CCDC39: variants seen among roughly 807,000 people sequenced by gnomAD.
CCDC39 encodes coiled-coil domain-containing protein 39.
In CCDC39, 113 loss-of-function variants were observed where a neutral mutation model predicts 121.0. That is an observed-to-expected ratio of 0.93 (90% confidence interval 0.80 to 1.09). The LOEUF (loss-of-function observed/expected upper bound fraction) is 1.09, where lower values mean the gene tolerates loss of function less well. Ranked by LOEUF, CCDC39 falls within the 50% of genes least tolerant of loss-of-function variation. The probability of loss-of-function intolerance (pLI) is 0.00; values close to 1 mark genes in which losing one functional copy is unlikely to be tolerated. For missense variants in CCDC39, 1,063 were observed against 1,074.7 expected (o/e 0.99, Z 0.15); for synonymous variants, 349 against 352.2 (o/e 0.99, Z 0.10).
intron 14 of CCDC39, among the ~76,000 whole-genome samples, chr3:180,629,404 C>A (rs1285392595): frequency 6.6e-6 from 1 of 152,156 alleles, no homozygotes; most frequent in Non-Finnish European, 1.5e-5. Flanking sequence ...CAGTTGTCTG[C>A]AAGTTAGTTA....
At chr3:180,664,105 T>C (rs1392675667) in intron 1 of CCDC39, 119 bp from the exon 2 acceptor site, 1 of 837,416 alleles carries the variant, frequency 1.2e-6, no homozygotes, top group African/African-American at 1.7e-5. Context: ...TGGACTGCTA[T>C]AACAAAAATA....
chr3:180,666,140 C>A (rs949941080), intron 1 of CCDC39, among the ~76,000 whole-genome samples: 1 of 152,152 alleles, frequency 6.6e-6, no homozygotes, highest in African/African-American at 2.4e-5. Context: ...CTCCTCTCAG[C>A]CCCTGACATC....
intron 14 of CCDC39, among the ~76,000 whole-genome samples, chr3:180,630,520 G>A (rs1043715954): frequency 1.1e-4 from 16 of 152,140 alleles, no homozygotes; most frequent in African/African-American, 3.9e-4. Flanking sequence ...TTCTCTGAAG[G>A]TGTGAACTGG....
intron 1 of CCDC39, among the ~76,000 whole-genome samples, chr3:180,671,927 G>T (rs1712059618): frequency 6.6e-6 from 1 of 152,142 alleles, no homozygotes; most frequent in African/African-American, 2.4e-5. Context: ...TTATCTAGAA[G>T]ATCTAACTAA....
chr3:180,668,267 TAC>T (rs1298893789), intron 1 of CCDC39, among the ~76,000 whole-genome samples: 1 of 152,146 alleles, frequency 6.6e-6, no homozygotes, highest in Admixed American at 6.6e-5. Flanking sequence ...TAGTCCCAGC[TAC>T]TTAGGAAGCT....
At chr3:180,630,985 T>C (rs182281187) in intron 14 of CCDC39, among the ~76,000 whole-genome samples, 2 of 152,294 alleles carry the variant, frequency 1.3e-5, no homozygotes, top group East Asian at 1.9e-4. Flanking sequence ...TGGGTGGCTA[T>C]AGTGAAGTAA....
At chr3:180,637,638 T>C (rs1023149507) in intron 13 of CCDC39, among the ~76,000 whole-genome samples, 10 of 152,206 alleles carry the variant, frequency 6.6e-5, no homozygotes, top group Admixed American at 5.2e-4. Context: ...CAAATGTTCA[T>C]TGTAGCACTA....
In CCDC39 at chr3:180,642,258, AT is replaced by A. The variant is rs373765309; in HGVS notation, c.1666-58del. 1,404 of 1,095,470 alleles carry A rather than the reference AT, an allele frequency of 1.3e-3. 13 individuals carry two copies. The African/African-American group carries it at 0.019, about 15-fold the overall frequency. 67.9% of individuals were successfully genotyped at this position (1,095,470 alleles called of 1,614,324 possible). A position where few individuals can be genotyped will look rare whatever the true frequency, so the allele number is the denominator to read the frequency against. On this transcript the variant is annotated intron_variant, in intron 12 of 19. Coordinates refer to ENST00000476379, the MANE Select transcript of CCDC39 (RefSeq NM_181426.2). ...AATTATTTTTAATTGCAAAACCAAA[AT>A]TTTTTTTATTGCTATATAAGTAAAA...
chr3:180,662,917 A>T lies in CCDC39; in HGVS notation c.211-910T>A, dbSNP rs796100059. ...CAGACAGTAGATGCACTTTAAAAAA[A>T]CTAGTTTGAGACAGAAGTTAGAAAA... On this transcript the variant is annotated intron_variant, in intron 2 of 19. Coordinates refer to ENST00000476379, the MANE Select transcript of CCDC39 (RefSeq NM_181426.2). Among the ~76,000 whole-genome samples, 4 of 152,288 alleles carry T rather than the reference A, an allele frequency of 2.6e-5. No homozygotes were observed. The South Asian group carries it at 8.3e-4, about 32-fold the overall frequency.
rs534428103 is a variant in CCDC39, at chr3:180,643,816, G to A, written c.1665+304C>T. On this transcript the variant is annotated intron_variant, in intron 12 of 19. Transcript: ENST00000476379. ...AAGAAACAAAAATCTAAAAAATAGG[G>A]GATGGTTAAATAAACTATGGTAATT... 5.3e-5 allele frequency among the ~76,000 whole-genome samples: 8 copies of A among 152,136 alleles called. No individual in the cohort carries two copies. In the South Asian group the frequency reaches 1.7e-3, roughly 32 times the overall value.
At chr3:180,626,842 C>T (rs561670047) in intron 14 of CCDC39, among the ~76,000 whole-genome samples, 2 of 152,266 alleles carry the variant, frequency 1.3e-5, no homozygotes, top group South Asian at 4.2e-4. Flanking sequence ...ACCCCTCTCC[C>T]ACCTTGGACA....
rs762490215 is a variant in CCDC39, at chr3:180,647,246, G to C, written c.1363-3C>G. 6.5e-7 allele frequency: 1 copy of C among 1,528,108 alleles called. No individual in the cohort carries two copies. Among genetic ancestry groups the C allele is most frequent in the Non-Finnish European group, 8.8e-7 (1 of 1,141,972 alleles). The allele number at this position is 1,528,108 out of a possible 1,614,324, so 94.7% of individuals were successfully genotyped here. ...TCCACTTGTTGAATGTGAAAATCCTGTTACAGTTTAAAAAAAAAAAGGTAT... is the reference window on the plus strand; with the variant it reads ...TCCACTTGTTGAATGTGAAAATCCTCTTACAGTTTAAAAAAAAAAAGGTAT... On this transcript the variant is annotated splice_region_variant and splice_polypyrimidine_tract_variant and intron_variant, in intron 10 of 19. Coordinates refer to ENST00000476379, the MANE Select transcript of CCDC39 (RefSeq NM_181426.2).
rs1024597944 is a variant in CCDC39, at chr3:180,614,084, A to G, written c.*837T>C. ...ATTCCAAGAGTACAAAGTGTTGGGC[A>G]CATGTTATAATGAAGTGTTAACTGG... On this transcript the variant is annotated 3_prime_UTR_variant, in exon 20 of 20. Coordinates refer to ENST00000476379, the MANE Select transcript of CCDC39 (RefSeq NM_181426.2). 3.0e-5 allele frequency: 7 copies of G among 230,618 alleles called. No individual in the cohort carries two copies. Among genetic ancestry groups the G allele is most frequent in the African/African-American group, 1.4e-4 (6 of 43,336 alleles). The allele number at this position is 230,618 out of a possible 1,614,324, so 14.3% of individuals were successfully genotyped here.
chr3:180,619,355 A>C lies in CCDC39; in HGVS notation c.2169T>G (p.Tyr723Ter). The C allele has an allele frequency of 6.7e-7, 1 of 1,485,034 alleles. No individual in the cohort carries two copies. Among genetic ancestry groups the C allele is most frequent in the African/African-American group, 1.4e-5 (1 of 71,578 alleles). The allele number at this position is 1,485,034 out of a possible 1,614,324, so 92.0% of individuals were successfully genotyped here. Residue 723 changes from tyrosine (Y) to a stop codon, truncating the protein, a stop_gained, in exon 16 of 20, where the codon TAT becomes TAG. Coordinates refer to ENST00000476379, the MANE Select transcript of CCDC39 (RefSeq NM_181426.2). LOFTEE classifies it high-confidence loss of function. ...FKKVTPSSDE[Y>*]ELKIQLEEQK... ...GTTCTTCTAGTTGAATTTTTAGCTC[A>C]TACTCATCACCTGAAATGTAGAACA...
In CCDC39 at chr3:180,627,531, A is replaced by T. The variant is rs185194368; in HGVS notation, c.1998+3938T>A. 2.9e-3 allele frequency among the ~76,000 whole-genome samples: 438 copies of T among 152,282 alleles called. 2 individuals carry two copies. The highest frequency in any genetic ancestry group is 3.5e-3 in the Non-Finnish European group (237 of 68,018). ...GATTCCATTCGCTTCTAAATCAGAG[A>T]TGATATATCTCTCAAAAGTCTGTCC... On this transcript the variant is annotated intron_variant, in intron 14 of 19. Transcript: ENST00000476379.
At chr3:180,640,751 T>C (rs1717935783) in intron 13 of CCDC39, among the ~76,000 whole-genome samples, 1 of 152,042 alleles carries the variant, frequency 6.6e-6, no homozygotes, top group Admixed American at 6.6e-5. Flanking sequence ...AAATCTGCAT[T>C]GTCCTATAAA....
intron 14 of CCDC39, among the ~76,000 whole-genome samples, chr3:180,621,523 G>C (rs763966932): frequency 6.6e-6 from 1 of 151,732 alleles, no homozygotes; most frequent in African/African-American, 2.4e-5. Flanking sequence ...ATTCTTCTTG[G>C]CCATTTGTTT....
intron 1 of CCDC39, among the ~76,000 whole-genome samples, chr3:180,678,840 A>T (rs1712308673): frequency 6.6e-6 from 1 of 152,180 alleles, no homozygotes; most frequent in Non-Finnish European, 1.5e-5. Flanking sequence ...AGCTTTAAAC[A>T]TTACAGACAA....
At chr3:180,649,038 C>T (rs993739321) in intron 9 of CCDC39, among the ~76,000 whole-genome samples, 1 of 152,068 alleles carries the variant, frequency 6.6e-6, no homozygotes, top group African/African-American at 2.4e-5. Context: ...GTATGTATTA[C>T]TTTTTTTGTA....
Sources: allele counts gnomAD v4.1 joint callset (sites outside exome capture counted in the v4.1 genomes callset), GRCh38; gene constraint gnomAD v4.1.1; transcripts MANE v1.5; gene names NCBI Gene and HGNC (gene_info 2026-07-23, HGNC 2026-07-21).